The following RPS6KA5 variants were observed in gnomAD, a reference collection of about 807,000 sequenced individuals.
RPS6KA5 encodes the protein ribosomal protein S6 kinase A5.
In RPS6KA5, 27 loss-of-function variants were observed where a neutral mutation model predicts 85.5. The observed-to-expected ratio is 0.32, with a 90% confidence interval of 0.23 to 0.44. RPS6KA5 has a LOEUF of 0.44. Among genes scored for constraint, RPS6KA5 ranks in the 20% least tolerant of loss-of-function variants. The probability of loss-of-function intolerance (pLI) is 1.00; values close to 1 mark genes in which losing one functional copy is unlikely to be tolerated. For synonymous variants in RPS6KA5, 334 were observed against 348.2 expected (o/e 0.96, Z 0.46); for missense variants, 811 against 980.9 (o/e 0.83, Z 2.31).
intron 9 of RPS6KA5, among the ~76,000 whole-genome samples, chr14:90,902,517 T>G (rs1339314324): frequency 1.3e-5 from 2 of 152,022 alleles, no homozygotes; most frequent in Admixed American, 6.5e-5. Flanking sequence ...TGAATAGAGG[T>G]AAAATAAAAG....
chr14:91,003,521 A>G (rs973240398), intron 1 of RPS6KA5, among the ~76,000 whole-genome samples: 3 of 152,182 alleles, frequency 2.0e-5, no homozygotes, highest in African/African-American at 7.2e-5. Context: ...TTTGGCTGCT[A>G]CAGGAGCTCA....
chr14:90,969,273 C>T (rs2039213374), intron 3 of RPS6KA5, among the ~76,000 whole-genome samples: 1 of 152,200 alleles, frequency 6.6e-6, no homozygotes, highest in African/African-American at 2.4e-5. Context: ...TAAAACAGCA[C>T]GTGCTCTCCA....
intron 14 of RPS6KA5, among the ~76,000 whole-genome samples, chr14:90,880,331 C>CT (rs1294875162): frequency 2.0e-5 from 3 of 152,274 alleles, no homozygotes; most frequent in Admixed American, 2.0e-4. Context: ...CTTTCTGTCT[C>CT]TATGATTCTG....
In RPS6KA5 at chr14:90,861,460, T is replaced by G. The variant is rs2032546798; in HGVS notation, c.*10614A>C. The G allele has an allele frequency of 6.8e-6, 1 of 146,786 alleles. No individual in the cohort carries two copies. The highest frequency in any genetic ancestry group is 6.7e-5 in the Admixed American group (1 of 14,854). The allele number at this position is 146,786 out of a possible 1,614,324, so 9.1% of individuals were successfully genotyped here. ...TGGCATGAACCCGGGAGGCGGAGCT[T>G]GCAGTGAGCCGAGATCCCGCCACTG... On this transcript the variant is annotated 3_prime_UTR_variant, in exon 17 of 17. Coordinates refer to ENST00000614987, the MANE Select transcript of RPS6KA5 (RefSeq NM_004755.4).
chr14:90,940,114 C>G (rs2037489545), intron 5 of RPS6KA5, among the ~76,000 whole-genome samples: 1 of 152,122 alleles, frequency 6.6e-6, no homozygotes, highest in Non-Finnish European at 1.5e-5. Flanking sequence ...AGAGTTAAAC[C>G]TGAAGCCAAG....
In RPS6KA5 at chr14:90,900,733, A is replaced by T; in HGVS notation, c.1123T>A (p.Tyr375Asn). 6.2e-7 allele frequency: 1 copy of T among 1,610,258 alleles called. No homozygotes were observed. Among genetic ancestry groups the T allele is most frequent in the Non-Finnish European group, 8.5e-7 (1 of 1,178,604 alleles). The change falls in exon 10 of 17, where the codon TAT (tyrosine) becomes AAT (asparagine). Residue 375 changes from tyrosine (Y) to asparagine (N), a missense_variant. Physicochemically the swap from Tyr to Asn is moderately radical, Grantham distance 143 (BLOSUM62 -2). Around this residue, in one of 3 missense-constraint regions of RPS6KA5, gnomAD observed 650 missense variants for 793.4 expected, o/e 0.82. Coordinates refer to ENST00000614987, the MANE Select transcript of RPS6KA5 (RefSeq NM_004755.4). ...PQSSEKLFQG[Y>N]SFVAPSILFK... The stretch of plus-strand genomic sequence containing the variant: ...AGGATGGAAGGAGCAACAAAGGAAT[A>T]GCCCTAAAAACAAGACAAAGAAAGA...
chr14:90,962,515 G>A (rs2038857561), intron 3 of RPS6KA5, among the ~76,000 whole-genome samples: 1 of 151,902 alleles, frequency 6.6e-6, no homozygotes, highest in Admixed American at 6.6e-5. Flanking sequence ...TCGAACTCCT[G>A]ACTTCAGGTG....
At chr14:91,011,881 A>AT (rs2041270659) in intron 1 of RPS6KA5, among the ~76,000 whole-genome samples, 1 of 152,200 alleles carries the variant, frequency 6.6e-6, no homozygotes, top group African/African-American at 2.4e-5. Flanking sequence ...TTATTTTCTA[A>AT]TTTTTTTATT....
chr14:91,046,568 TA>T (rs1048070547), intron 1 of RPS6KA5, among the ~76,000 whole-genome samples: 2 of 152,144 alleles, frequency 1.3e-5, no homozygotes, highest in Non-Finnish European at 2.9e-5. Flanking sequence ...ATATTTCCTT[TA>T]AAAAAATACA....
chr14:91,028,216 C>T (rs1200968676), intron 1 of RPS6KA5, among the ~76,000 whole-genome samples: 1 of 152,116 alleles, frequency 6.6e-6, no homozygotes, highest in East Asian at 1.9e-4. Flanking sequence ...CCATAACACC[C>T]TTACAAAGAA....
At chr14:90,934,896 G>T (rs143267197) in intron 5 of RPS6KA5, among the ~76,000 whole-genome samples, 1 of 152,148 alleles carries the variant, frequency 6.6e-6, no homozygotes, top group Non-Finnish European at 1.5e-5. Context: ...AAGAAAGGAA[G>T]AACTGGGGCA....
chr14:91,021,034 T>C (rs2041752492), intron 1 of RPS6KA5, among the ~76,000 whole-genome samples: 2 of 152,170 alleles, frequency 1.3e-5, no homozygotes, highest in Admixed American at 6.5e-5. Context: ...GTTAAAGTGA[T>C]GTCCAGTTTA....
Position 90,862,534 on chromosome 14 carries a change from C to G in RPS6KA5, c.*9540G>C, listed in dbSNP as rs1004949804. On this transcript the variant is annotated 3_prime_UTR_variant, in exon 17 of 17. Coordinates refer to ENST00000614987, the MANE Select transcript of RPS6KA5 (RefSeq NM_004755.4). ...CCAGGTGGGAGTACAGTGGTACAATCTTGGTTCACTGCAACTTCTGCTTCC... is the reference window on the plus strand; with the variant it reads ...CCAGGTGGGAGTACAGTGGTACAATGTTGGTTCACTGCAACTTCTGCTTCC... 6.6e-6 allele frequency: 1 copy of G among 152,004 alleles called. No individual in the cohort carries two copies. The highest frequency in any genetic ancestry group is 1.5e-5 in the Non-Finnish European group (1 of 68,092). 9.4% of individuals were successfully genotyped at this position (152,004 alleles called of 1,614,324 possible).
chr14:90,873,306 C>G (rs1322782747), intron 16 of RPS6KA5, among the ~76,000 whole-genome samples: 1 of 152,070 alleles, frequency 6.6e-6, no homozygotes. Flanking sequence ...TTCAAATATG[C>G]CTTAGTTCCT....
At chr14:91,023,082 T>TGAA (rs1555378880) in intron 1 of RPS6KA5, among the ~76,000 whole-genome samples, 2 of 96,460 alleles carry the variant, frequency 2.1e-5, no homozygotes, top group African/African-American at 4.1e-5. Context: ...AAACTCTATC[T>TGAA]AAAAAAAAAA....
chr14:90,990,166 C>T (rs1185474230), intron 2 of RPS6KA5, among the ~76,000 whole-genome samples: 1 of 151,762 alleles, frequency 6.6e-6, no homozygotes, highest in Non-Finnish European at 1.5e-5. Flanking sequence ...AGAAAGTAGG[C>T]GGACAAATCA....
At chr14:91,051,541 T>C (rs1398465513) in intron 1 of RPS6KA5, among the ~76,000 whole-genome samples, 1 of 152,222 alleles carries the variant, frequency 6.6e-6, no homozygotes, top group African/African-American at 2.4e-5. Flanking sequence ...CAGGCTGGAA[T>C]GCAATGGTGC....
Position 90,978,925 on chromosome 14 carries a change from G to C in RPS6KA5, c.176-401C>G, listed in dbSNP as rs2039680042. Reference sequence around the variant, plus strand: ...TTACTGATGTAGACAAATGAAGGCAGTTCTTAATAAGAATTTCATATATAT... The same window carrying C: ...TTACTGATGTAGACAAATGAAGGCACTTCTTAATAAGAATTTCATATATAT... On this transcript the variant is annotated intron_variant, in intron 2 of 16. Transcript: ENST00000614987. Among the ~76,000 whole-genome samples, 4 of 152,150 alleles carry C rather than the reference G, an allele frequency of 2.6e-5. No homozygotes were observed. The South Asian group carries it at 8.3e-4, about 32-fold the overall frequency.
At chr14:90,944,528 G>A (rs1484648329) in intron 4 of RPS6KA5, among the ~76,000 whole-genome samples, 1 of 152,078 alleles carries the variant, frequency 6.6e-6, no homozygotes, top group Admixed American at 6.5e-5. Context: ...GGCCGAGGTG[G>A]GCAGATCACC....
Sources: gnomAD v4.1 joint callset for allele counts (sites outside exome capture counted in the v4.1 genomes callset) on GRCh38, gnomAD v4.1.1 for gene constraint, gnomAD v4.1.1 regional missense constraint, MANE v1.5 for transcripts, NCBI Gene and HGNC (gene_info 2026-07-23, HGNC 2026-07-21) for gene names.